The following WDR5 variants were observed in gnomAD, a reference collection of about 807,000 sequenced individuals.
The protein encoded by WDR5 is WD repeat-containing protein 5.
For missense variants in WDR5, 187 were observed against 416.9 expected, an observed-to-expected ratio of 0.45 and a Z score of 4.80; for synonymous variants, 144 against 161.6, an observed-to-expected ratio of 0.89 and a Z score of 0.83.
At chr9:134,144,097 T>G (rs1388811236) in intron 7 of WDR5, among the ~76,000 whole-genome samples, 1 of 152,128 alleles carries the variant, frequency 6.6e-6, no homozygotes, top group East Asian at 1.9e-4. Flanking sequence ...TTTGCCCGAG[T>G]GAGATGGCAG....
Position 134,156,675 on chromosome 9 carries a change from G to A in WDR5, c.904+82G>A. ...GCAGGTGAAGCGTGGTGTGCCCGTA[G>A]GGTGCCGTCGTCTTCCCCTTCCCAC... is the stretch of plus-strand genomic sequence containing the variant. On this transcript the variant is annotated intron_variant, in intron 13 of 13. Coordinates refer to ENST00000358625, the MANE Select transcript of WDR5 (RefSeq NM_017588.3). 3.5e-6 allele frequency: 5 copies of A among 1,436,822 alleles called. No individual in the cohort carries two copies. The South Asian group carries it at 4.8e-5, about 14-fold the overall frequency. The allele number at this position is 1,436,822 out of a possible 1,614,324, so 89.0% of individuals were successfully genotyped here. A position where few individuals can be genotyped will look rare whatever the true frequency, so the allele number is the denominator to read the frequency against.
Position 134,155,683 on chromosome 9 carries a change from C to T in WDR5, c.742-10C>T, listed in dbSNP as rs1382335369. The T allele has an allele frequency of 1.2e-6, 2 of 1,613,908 alleles. No individual in the cohort carries two copies. Among genetic ancestry groups the T allele is most frequent in the East Asian group, 2.2e-5 (1 of 44,890 alleles). ...TGACTCTGTGACCAGCCTGTCCCCT[C>T]CTGTTTCAGTGCCTGAAGACGTACA... On this transcript the variant is annotated splice_polypyrimidine_tract_variant and intron_variant, in intron 11 of 13. Transcript: ENST00000358625.
chr9:134,136,838 C>T (rs1314899421), intron 1 of WDR5, among the ~76,000 whole-genome samples: 3 of 152,192 alleles, frequency 2.0e-5, no homozygotes, highest in Non-Finnish European at 2.9e-5. Context: ...ACGACACTCC[C>T]TGCTGTCTCG....
intron 1 of WDR5, among the ~76,000 whole-genome samples, chr9:134,139,350 C>A (rs184547802): frequency 6.6e-6 from 1 of 152,348 alleles, no homozygotes; most frequent in Non-Finnish European, 1.5e-5. Flanking sequence ...TCAAACGTGG[C>A]TGTGAACGTG....
chr9:134,145,465 C>T (rs1832145033), intron 7 of WDR5, among the ~76,000 whole-genome samples: 1 of 152,208 alleles, frequency 6.6e-6, no homozygotes, highest in African/African-American at 2.4e-5. Context: ...GCTGTGTGAG[C>T]AAGGACTCTG....
At chr9:134,152,269 C>G (rs751907891) in intron 9 of WDR5, among the ~76,000 whole-genome samples, 8 of 152,250 alleles carry the variant, frequency 5.3e-5, no homozygotes, top group Non-Finnish European at 8.8e-5. Flanking sequence ...TGGGGCTCCT[C>G]CACCTGTGCT....
At chr9:134,154,841 C>T (rs577916681) in intron 10 of WDR5, among the ~76,000 whole-genome samples, 8 of 152,364 alleles carry the variant, frequency 5.3e-5, no homozygotes, top group African/African-American at 1.4e-4. Context: ...GTCCGGGGGC[C>T]TCCAAGGCCC....
At chr9:134,151,284 G>A (rs1832472147) in intron 8 of WDR5, among the ~76,000 whole-genome samples, 1 of 152,152 alleles carries the variant, frequency 6.6e-6, no homozygotes, top group Non-Finnish European at 1.5e-5. Context: ...AGAGCTTCGG[G>A]GCCCTCCCAG....
rs373621442 is a variant in WDR5, at chr9:134,142,582, G to A, written c.445-54G>A. ...CTGATAGCAGGTCTTAGGTTCTGGG[G>A]AGGTTTGTCCCCTCTCCTTCCTGTA... On this transcript the variant is annotated intron_variant, in intron 6 of 13. Coordinates refer to ENST00000358625, the MANE Select transcript of WDR5 (RefSeq NM_017588.3). 2.1e-4 allele frequency: 334 copies of A among 1,599,254 alleles called. 1 individual carries two copies. The Middle Eastern group carries it at 2.5e-3, about 12-fold the overall frequency.
chr9:134,136,619 C>T (rs940005789), intron 1 of WDR5, among the ~76,000 whole-genome samples: 2 of 152,110 alleles, frequency 1.3e-5, no homozygotes, highest in East Asian at 3.9e-4. Context: ...TAGAAACGCC[C>T]CCAGCCCGCT....
At chr9:134,152,137 GC>G in intron 9 of WDR5, 108 bp downstream of exon 9, 1 of 1,325,672 alleles carries the variant, frequency 7.5e-7, no homozygotes, top group Non-Finnish European at 1.0e-6. Flanking sequence ...CCCTGGGTCC[GC>G]CCCTGCAGGA....
chr9:134,147,166 T>G (rs1832251147), intron 7 of WDR5, among the ~76,000 whole-genome samples: 1 of 152,276 alleles, frequency 6.6e-6, no homozygotes, highest in East Asian at 1.9e-4. Flanking sequence ...TTCACTTGTC[T>G]TTTAAGCTTT....
At chr9:134,155,814 T>C in intron 12 of WDR5, 47 bp downstream of exon 12, 1 of 1,565,608 alleles carries the variant, frequency 6.4e-7, no homozygotes, top group East Asian at 2.2e-5. Flanking sequence ...CAGCTTACTC[T>C]CCCGAGAGGT....
intron 11 of WDR5, 113 bp from the exon 12 acceptor site, chr9:134,155,580 T>C (rs111871648): frequency 1.2e-5 from 16 of 1,312,756 alleles, no homozygotes; most frequent in Non-Finnish European, 1.6e-5. Flanking sequence ...TTGGTACTTG[T>C]ACTTTTCAGA....
chr9:134,156,651 C>T (rs1052022349), intron 13 of WDR5, 58 bp downstream of exon 13: 2 of 1,570,572 alleles, frequency 1.3e-6, no homozygotes, highest in Non-Finnish European at 1.7e-6. Flanking sequence ...ACAGTTCCTG[C>T]AGGTGAAGCG....
Position 134,139,973 on chromosome 9 carries a change from G to C in WDR5, c.81+15G>C. On this transcript the variant is annotated intron_variant, in intron 2 of 13. Coordinates refer to ENST00000358625, the MANE Select transcript of WDR5 (RefSeq NM_017588.3). ...CTCAGAGCAAGGTGCGTGCCCAGGG[G>C]CCCCTTGGACACCTTCCGGGGGCAA... is the stretch of plus-strand genomic sequence containing the variant. The C allele has an allele frequency of 2.5e-6, 4 of 1,613,584 alleles. No homozygotes were observed. Among genetic ancestry groups the C allele is most frequent in the Non-Finnish European group, 3.4e-6 (4 of 1,179,968 alleles).
In WDR5 at chr9:134,158,256, A is replaced by G. The variant is rs1832839311; in HGVS notation, c.*263A>G. 1.3e-5 allele frequency: 4 copies of G among 317,830 alleles called. No individual in the cohort carries two copies. The highest frequency in any genetic ancestry group is 2.3e-5 in the Non-Finnish European group (4 of 173,398). 19.7% of individuals were successfully genotyped at this position (317,830 alleles called of 1,614,324 possible). A position where few individuals can be genotyped will look rare whatever the true frequency, so the allele number is the denominator to read the frequency against. ...TCTATTGTGTTCAAACAGAGTCAAC[A>G]AAAGTTTTTAATTTTTTATTACAGA... On this transcript the variant is annotated 3_prime_UTR_variant, in exon 14 of 14. Coordinates refer to ENST00000358625, the MANE Select transcript of WDR5 (RefSeq NM_017588.3).
At chr9:134,141,293 CAAAAG>C (rs1410232363) in intron 3 of WDR5, among the ~76,000 whole-genome samples, 1 of 152,006 alleles carries the variant, frequency 6.6e-6, no homozygotes, top group East Asian at 1.9e-4. Flanking sequence ...CTCAGAAAAA[CAAAAG>C]AAGAAGAAAG....
At chr9:134,136,883 C>T (rs1276705331) in intron 1 of WDR5, among the ~76,000 whole-genome samples, 1 of 152,188 alleles carries the variant, frequency 6.6e-6, no homozygotes, top group Non-Finnish European at 1.5e-5. Context: ...TCCGTTTACC[C>T]ATCTCCTCAA....
Sources: gnomAD v4.1 joint callset for allele counts (sites outside exome capture counted in the v4.1 genomes callset) on GRCh38, gnomAD v4.1.1 for gene constraint, MANE v1.5 for transcripts, NCBI Gene and HGNC (gene_info 2026-07-23, HGNC 2026-07-21) for gene names.